Variants in PHF20 observed in about 807,000 individuals in gnomAD.
PHF20 encodes PHD finger protein 20.
A neutral mutation model predicts 113.5 loss-of-function variants in PHF20; 23 were observed. The observed-to-expected ratio is 0.20, with a 90% CI of 0.15 to 0.29. The LOEUF (loss-of-function observed/expected upper bound fraction) is 0.29. PHF20 is among the 10% of genes least tolerant of loss of function. The pLI, the probability that PHF20 is intolerant of heterozygous loss-of-function variation, is 1.00. For synonymous variants in PHF20, 434 were observed against 457.3 expected, an observed-to-expected ratio of 0.95 and a Z score of 0.65; for missense variants, 943 against 1,219.6, an observed-to-expected ratio of 0.77 and a Z score of 3.38.
intron 15 of PHF20, among the ~76,000 whole-genome samples, chr20:35,932,731 C>A (rs1397356669): frequency 1.3e-5 from 2 of 152,120 alleles, no homozygotes; most frequent in Non-Finnish European, 2.9e-5. Flanking sequence ...GCACCCGGCC[C>A]CATCTTAACC....
intron 9 of PHF20, among the ~76,000 whole-genome samples, chr20:35,885,467 C>CTTTTTTTTTTT (rs577878410): frequency 4.9e-3 from 175 of 35,678 alleles, no homozygotes; most frequent in African/African-American, 0.014. Flanking sequence ...GGGGAATAAG[C>CTTTTTTTTTTT]TTTTTTTTTT....
chr20:35,901,334 G>A (rs577359094), intron 10 of PHF20, among the ~76,000 whole-genome samples: 11 of 150,210 alleles, frequency 7.3e-5, no homozygotes, highest in Non-Finnish European at 1.5e-4. Flanking sequence ...AGAATCGCTT[G>A]AACCTAGGAA....
In PHF20 at chr20:35,899,430, T is replaced by C; in HGVS notation, c.1343T>C (p.Leu448Pro). ...FGSSNAPAVD[L>P]DHKFRCKVVD... Reference sequence around the variant, plus strand: ...TCATCTAATGCACCAGCTGTCGACCTAGACCATAAGTTTAGATGCAAAGTT... The same window carrying C: ...TCATCTAATGCACCAGCTGTCGACCCAGACCATAAGTTTAGATGCAAAGTT... The change falls in exon 10 of 18, where the codon CTA becomes CCA. Residue 448 changes from leucine to proline, a missense_variant. By Grantham distance (98) the Leu-to-Pro change is moderately conservative. Coordinates refer to ENST00000374012, the MANE Select transcript of PHF20 (RefSeq NM_016436.5). 6.2e-7 allele frequency: 1 copy of C among 1,614,120 alleles called. No homozygotes were observed. Among genetic ancestry groups the C allele is most frequent in the African/African-American group, 1.3e-5 (1 of 75,072 alleles).
chr20:35,948,387 A>G lies in PHF20; in HGVS notation c.*760A>G, dbSNP rs569418092. 6.5e-6 allele frequency: 1 copy of G among 152,720 alleles called. No individual in the cohort carries two copies. Among genetic ancestry groups the G allele is most frequent in the African/African-American group, 2.4e-5 (1 of 41,558 alleles). The allele number at this position is 152,720 out of a possible 1,614,324, so 9.5% of individuals were successfully genotyped here. A position where few individuals can be genotyped will look rare whatever the true frequency, so the allele number is the denominator to read the frequency against. ...ACCCAAAGGACAGCATTTTCTACCC[A>G]CTTCTTAATATTGACAGCTTCCCCG... On this transcript the variant is annotated 3_prime_UTR_variant, in exon 18 of 18. Transcript: ENST00000374012.
chr20:35,800,262 A>C (rs2041753079), intron 1 of PHF20: 1 of 152,144 alleles, frequency 6.6e-6, no homozygotes, highest in South Asian at 2.1e-4. Flanking sequence ...GAATGGACTC[A>C]AGAAGTAGGA....
rs776998094 is a variant in PHF20 at position 35,871,634 on chromosome 20, T to C, written c.1103-16T>C. On this transcript the variant is annotated splice_polypyrimidine_tract_variant and intron_variant, in intron 8 of 17. Coordinates refer to ENST00000374012, the MANE Select transcript of PHF20 (RefSeq NM_016436.5). ...ATACATGTATATTTCCCCCAAACTT[T>C]CTTTTTTTCTTCTAGGTCAGTTGAA... 14 of 1,576,064 alleles carry C rather than the reference T, an allele frequency of 8.9e-6. No homozygotes were observed. In the Admixed American group the frequency reaches 2.2e-4, roughly 24 times the overall value.
At position 35,884,082 on chromosome 20, in the gene PHF20, G is replaced by A. The variant is rs2054681997; in HGVS notation, c.1282+12253G>A. Among the ~76,000 whole-genome samples the A allele has an allele frequency of 2.6e-5, 4 of 152,142 alleles. No individual in the cohort carries two copies. In the South Asian group the frequency reaches 8.3e-4, roughly 32 times the overall value. ...GTTTCTTTGGAAACATAGGTTTAGTGGTGTGAGTACAGGACGATCCAGAAA... is the reference window on the plus strand; with the variant it reads ...GTTTCTTTGGAAACATAGGTTTAGTAGTGTGAGTACAGGACGATCCAGAAA... On this transcript the variant is annotated intron_variant, in intron 9 of 17. Coordinates refer to ENST00000374012, the MANE Select transcript of PHF20 (RefSeq NM_016436.5).
chr20:35,888,034 G>A (rs1268187885), intron 9 of PHF20, among the ~76,000 whole-genome samples: 11 of 149,698 alleles, frequency 7.3e-5, no homozygotes, highest in Non-Finnish European at 1.6e-4. Context: ...AGGCTGGAGT[G>A]CAATGGTGCG....
chr20:35,937,256 G>A (rs1444959802), intron 15 of PHF20, among the ~76,000 whole-genome samples: 1 of 152,100 alleles, frequency 6.6e-6, no homozygotes, highest in Non-Finnish European at 1.5e-5. Context: ...ATCACCTGAG[G>A]TTGGGAGTTC....
chr20:35,805,680 A>G (rs577377571), intron 2 of PHF20, among the ~76,000 whole-genome samples: 29 of 151,988 alleles, frequency 1.9e-4, no homozygotes, highest in African/African-American at 7.0e-4. Context: ...AGGTCTCACT[A>G]TGTTGCCAAG....
chr20:35,877,279 C>CAAA (rs1246687018), intron 9 of PHF20, among the ~76,000 whole-genome samples: 2 of 12,968 alleles, frequency 1.5e-4, no homozygotes, highest in African/African-American at 2.4e-4. Flanking sequence ...GACTCCATCT[C>CAAA]AAAAAAAAAA....
chr20:35,793,853 C>T (rs1005649491), intron 1 of PHF20, among the ~76,000 whole-genome samples: 2 of 149,928 alleles, frequency 1.3e-5, no homozygotes, highest in African/African-American at 4.9e-5. Flanking sequence ...CAAAAATTAG[C>T]CAGGCATGGT....
chr20:35,841,113 C>T (rs1240800628), intron 2 of PHF20, among the ~76,000 whole-genome samples: 2 of 151,878 alleles, frequency 1.3e-5, no homozygotes, highest in Admixed American at 1.3e-4. Flanking sequence ...GATCTGCTAT[C>T]CTGGGCAGAT....
chr20:35,904,716 C>G (rs2055166889), intron 10 of PHF20, among the ~76,000 whole-genome samples: 1 of 150,938 alleles, frequency 6.6e-6, no homozygotes. Flanking sequence ...CAACCTGCCA[C>G]TGTTCCCTTT....
chr20:35,836,861 AC>A (rs1189546331), intron 2 of PHF20, among the ~76,000 whole-genome samples: 2 of 149,464 alleles, frequency 1.3e-5, no homozygotes. Context: ...AAAAAAAAAA[AC>A]TTTTAATTTA....
intron 9 of PHF20, among the ~76,000 whole-genome samples, chr20:35,882,650 A>G (rs79474767): frequency 0.011 from 1,599 of 152,208 alleles, 18 homozygotes; most frequent in East Asian, 0.039. Context: ...CTAGTCTTGA[A>G]CTCTGGGCCT....
chr20:35,814,867 C>A (rs1329298308), intron 2 of PHF20, among the ~76,000 whole-genome samples: 1 of 127,784 alleles, frequency 7.8e-6, no homozygotes, highest in Admixed American at 8.2e-5. Flanking sequence ...AGCGAGACTC[C>A]GTCTCAAAAA....
intron 1 of PHF20, among the ~76,000 whole-genome samples, chr20:35,788,340 C>T (rs2041467369): frequency 6.6e-6 from 1 of 152,004 alleles, no homozygotes; most frequent in South Asian, 2.1e-4. Context: ...TCGTGATCCA[C>T]CCTCCTCGGC....
intron 7 of PHF20, among the ~76,000 whole-genome samples, chr20:35,870,235 C>T (rs1488579338): frequency 1.4e-5 from 2 of 141,978 alleles, no homozygotes; most frequent in African/African-American, 5.3e-5. Flanking sequence ...ACCCGGGAGG[C>T]GGAGCTAGCA....
Sources: gnomAD v4.1 joint callset for allele counts (sites outside exome capture counted in the v4.1 genomes callset) on GRCh38, gnomAD v4.1.1 for gene constraint, MANE v1.5 for transcripts, NCBI Gene and HGNC (gene_info 2026-07-23, HGNC 2026-07-21) for gene names.